The following PRKG1 variants were observed in gnomAD, a reference collection of about 807,000 sequenced individuals.
PRKG1 encodes protein kinase cGMP-dependent 1.
A neutral mutation model predicts 88.1 loss-of-function variants in PRKG1; 35 were observed. The observed-to-expected ratio is 0.40, with a 90% CI of 0.30 to 0.53. PRKG1 has a LOEUF of 0.53. Among genes scored for constraint, PRKG1 ranks in the 20% least tolerant of loss-of-function variants. PRKG1 has a pLI of 0.59. For missense variants in PRKG1, 540 were observed against 839.8 expected (o/e 0.64, Z 4.41); for synonymous variants, 303 against 292.5 (o/e 1.04, Z -0.37).
chr10:51,889,877 T>C (rs1468677711), intron 4 of PRKG1, among the ~76,000 whole-genome samples: 4 of 152,262 alleles, frequency 2.6e-5, no homozygotes. Context: ...TGTCTGTTCA[T>C]ATTCTTGGCC....
At chr10:51,333,860 T>A (rs1457061262) in intron 2 of PRKG1, among the ~76,000 whole-genome samples, 1 of 152,172 alleles carries the variant, frequency 6.6e-6, no homozygotes, top group Non-Finnish European at 1.5e-5. Context: ...ATCACCTTAT[T>A]CTTGTTCTCT....
intron 2 of PRKG1, among the ~76,000 whole-genome samples, chr10:51,167,357 A>G (rs1395750675): frequency 1.3e-5 from 2 of 152,144 alleles, no homozygotes; most frequent in African/African-American, 4.8e-5. Flanking sequence ...GAAAAGTTTG[A>G]CACATTAAAA....
intron 3 of PRKG1, among the ~76,000 whole-genome samples, chr10:51,510,034 T>C (rs1182784151): frequency 3.3e-5 from 5 of 152,278 alleles, no homozygotes; most frequent in African/African-American, 1.2e-4. Flanking sequence ...ATAGATCAAT[T>C]GACAGCAACA....
chr10:51,893,518 G>A (rs1337532800), intron 4 of PRKG1, among the ~76,000 whole-genome samples: 1 of 152,110 alleles, frequency 6.6e-6, no homozygotes, highest in African/African-American at 2.4e-5. Context: ...TTTGCAAACT[G>A]TGTAATCCTG....
chr10:51,864,019 C>G (rs1223341605), intron 4 of PRKG1, among the ~76,000 whole-genome samples: 1 of 152,196 alleles, frequency 6.6e-6, no homozygotes, highest in Non-Finnish European at 1.5e-5. Flanking sequence ...GATGCAATGT[C>G]AGCATCCTTC....
chr10:51,848,751 C>A (rs1840469506), intron 4 of PRKG1, among the ~76,000 whole-genome samples: 1 of 151,742 alleles, frequency 6.6e-6, no homozygotes, highest in East Asian at 1.9e-4. Context: ...AAGTGATCTT[C>A]CTGACTCAGT....
intron 6 of PRKG1, among the ~76,000 whole-genome samples, chr10:52,055,464 T>A (rs1409496758): frequency 1.3e-5 from 2 of 152,186 alleles, no homozygotes; most frequent in African/African-American, 4.8e-5. Flanking sequence ...TTCTAAAACT[T>A]TTAATTTTTC....
intron 5 of PRKG1, among the ~76,000 whole-genome samples, chr10:51,927,305 C>T (rs889262104): frequency 1.3e-5 from 2 of 152,162 alleles, no homozygotes; most frequent in Non-Finnish European, 2.9e-5. Flanking sequence ...GCTTGACTCT[C>T]ATTCTCTCTT....
rs377752353 is a variant in PRKG1, at chr10:51,770,271, T to C, written c.593-34314T>C. ...CCCCAATAAACCACTATCTGAACAGTAAAAGAGTTATGCAGCATAGAGGGA... is the reference window on the plus strand; with the variant it reads ...CCCCAATAAACCACTATCTGAACAGCAAAAGAGTTATGCAGCATAGAGGGA... On this transcript the variant is annotated intron_variant, in intron 3 of 17. Transcript: ENST00000373980. Among the ~76,000 whole-genome samples, 20 of 152,234 alleles carry C rather than the reference T, an allele frequency of 1.3e-4. No individual in the cohort carries two copies. The South Asian group carries it at 3.7e-3, about 28-fold the overall frequency.
intron 3 of PRKG1, among the ~76,000 whole-genome samples, chr10:51,614,575 ATTGT>A (rs1434466857): frequency 6.6e-6 from 1 of 151,604 alleles, no homozygotes; most frequent in Non-Finnish European, 1.5e-5. Context: ...CATATTGTTA[ATTGT>A]TTGTTGCTTG....
intron 3 of PRKG1, among the ~76,000 whole-genome samples, chr10:51,751,848 C>G (rs1298120668): frequency 6.6e-6 from 1 of 151,780 alleles, no homozygotes; most frequent in East Asian, 1.9e-4. Context: ...TTCTTAGTAC[C>G]TAATCTAGTG....
rs190167133 is a variant in PRKG1 at position 51,190,152 on chromosome 10, T to C, written c.478+36822T>C. ...TATAGTCTAGAAGTAGTTCATCTTT[T>C]GTTTTTTATATTTCAACTTTTATTA... On this transcript the variant is annotated intron_variant, in intron 2 of 17. Coordinates refer to ENST00000373980, the MANE Select transcript of PRKG1 (RefSeq NM_006258.4). Among the ~76,000 whole-genome samples the C allele has an allele frequency of 1.4e-4, 22 of 152,128 alleles. No individual in the cohort carries two copies. In the East Asian group the frequency reaches 4.1e-3, roughly 28 times the overall value.
intron 4 of PRKG1, among the ~76,000 whole-genome samples, chr10:51,809,896 TCTC>T (rs1441538448): frequency 6.6e-6 from 1 of 152,092 alleles, no homozygotes; most frequent in Non-Finnish European, 1.5e-5. Context: ...CTCTCCATCT[TCTC>T]CTTCTTTATT....
chr10:51,360,188 C>T (rs1026435334), intron 2 of PRKG1, among the ~76,000 whole-genome samples: 1 of 151,846 alleles, frequency 6.6e-6, no homozygotes, highest in Admixed American at 6.6e-5. Flanking sequence ...TTAAGGAATC[C>T]ATGAATGCAC....
chr10:52,193,161 G>A (rs1839408432), intron 9 of PRKG1, among the ~76,000 whole-genome samples: 1 of 152,128 alleles, frequency 6.6e-6, no homozygotes, highest in African/African-American at 2.4e-5. Context: ...CTTAGAAATT[G>A]TCCATTGTGG....
At chr10:51,244,004 T>C (rs1391524715) in intron 2 of PRKG1, among the ~76,000 whole-genome samples, 4 of 152,198 alleles carry the variant, frequency 2.6e-5, no homozygotes, top group Non-Finnish European at 5.9e-5. Context: ...TTGAATTTTG[T>C]TCTATTGTGT....
At chr10:50,996,237 G>A (rs747434009) in intron 1 of PRKG1, among the ~76,000 whole-genome samples, 4 of 152,152 alleles carry the variant, frequency 2.6e-5, no homozygotes, top group Non-Finnish European at 5.9e-5. Context: ...CTTTTCAGGC[G>A]AGGAATCTGA....
At chr10:52,176,176 T>A (rs1279466826) in intron 9 of PRKG1, among the ~76,000 whole-genome samples, 1 of 138,538 alleles carries the variant, frequency 7.2e-6, no homozygotes, top group Non-Finnish European at 1.6e-5. Context: ...TTTTTCTCTT[T>A]TTTTTTTTTT....
At chr10:51,417,824 C>G (rs1588938146) in intron 2 of PRKG1, among the ~76,000 whole-genome samples, 1 of 152,248 alleles carries the variant, frequency 6.6e-6, no homozygotes, top group East Asian at 1.9e-4. Context: ...CACTATGCCC[C>G]TAAGTATAAT....
Sources: gnomAD v4.1 joint callset for allele counts (sites outside exome capture counted in the v4.1 genomes callset) on GRCh38, gnomAD v4.1.1 for gene constraint, MANE v1.5 for transcripts, NCBI Gene and HGNC (gene_info 2026-07-23, HGNC 2026-07-21) for gene names.